Variants in POMGNT1 observed in about 807,000 individuals in gnomAD.
The protein encoded by POMGNT1 is protein O-linked mannose N-acetylglucosaminyltransferase 1 (beta 1,2-).
POMGNT1 carries 67 observed loss-of-function variants against 95.6 expected under a neutral mutation model. That is an observed-to-expected ratio of 0.70 (90% CI 0.58 to 0.86). POMGNT1 has a LOEUF of 0.86. Among genes scored for constraint, POMGNT1 ranks in the 40% least tolerant of loss-of-function variants. The pLI, the probability that POMGNT1 is intolerant of heterozygous loss-of-function variation, is 0.00. For synonymous variants in POMGNT1, 298 were observed against 317.9 expected, an observed-to-expected ratio of 0.94 and a Z score of 0.66; for missense variants, 719 against 855.2, an observed-to-expected ratio of 0.84 and a Z score of 1.99.
Position 46,197,715 on chromosome 1 carries a change from C to G in POMGNT1, c.107G>C (p.Arg36Pro). ...ACATCTCTATACCTGACAGAATCTC[C>G]GCAGGGCCCGCTGGTTTGTCAGTTT... is the stretch of plus-strand genomic sequence containing the variant. ...KYKLTNQRAL[R>P]RFCQTGAVLF... is the part of the protein sequence containing the mutation. The change falls in exon 2 of 22, where the codon CGG (arginine) becomes CCG (proline). Residue 36 changes from arginine to proline, a missense_variant. By Grantham distance (103) the Arg-to-Pro change is moderately radical. Coordinates refer to ENST00000371984, the MANE Select transcript of POMGNT1 (RefSeq NM_017739.4). 6.2e-7 allele frequency: 1 copy of G among 1,614,092 alleles called. No homozygotes were observed.
intron 13 of POMGNT1, 39 bp downstream of exon 13, chr1:46,193,135 C>A (rs778085829): frequency 1.9e-6 from 3 of 1,613,420 alleles, no homozygotes; most frequent in African/African-American, 2.7e-5. Context: ...CCCATGTTTC[C>A]CCCCTCCCAG....
intron 17 of POMGNT1, 116 bp from the exon 18 acceptor site, chr1:46,190,900 C>T (rs1657714826): frequency 2.1e-6 from 2 of 951,758 alleles, no homozygotes; most frequent in African/African-American, 1.6e-5. Flanking sequence ...TGTAAAGAGC[C>T]CTCTAATTTC....
chr1:46,200,451 G>A (rs1252931347), upstream of POMGNT1, among the ~76,000 whole-genome samples: 1 of 152,200 alleles, frequency 6.6e-6, no homozygotes, highest in East Asian at 1.9e-4. Context: ...CCTCCTCAGT[G>A]AACTGCACCA....
chr1:46,209,672 AGCT>A (rs1658832703), intron 1 of POMGNT1, among the ~76,000 whole-genome samples: 1 of 150,576 alleles, frequency 6.6e-6, no homozygotes. Flanking sequence ...GCCACCACAC[AGCT>A]AATTTTTGTA....
intron 1 of POMGNT1, among the ~76,000 whole-genome samples, chr1:46,216,075 G>A (rs1460824485): frequency 8.9e-6 from 1 of 112,132 alleles, no homozygotes; most frequent in Non-Finnish European, 1.7e-5. Flanking sequence ...TTGTGACGGA[G>A]TCTCGCTGTT....
At chr1:46,192,269 T>C (rs752031998) in intron 16 of POMGNT1, 39 bp downstream of exon 16, 5 of 1,614,034 alleles carry the variant, frequency 3.1e-6, no homozygotes, top group Non-Finnish European at 4.2e-6. Context: ...TTCGAGTTGG[T>C]AGGGGACTCC....
At chr1:46,205,408 T>A (rs1658680119) in intron 1 of POMGNT1, among the ~76,000 whole-genome samples, 1 of 152,226 alleles carries the variant, frequency 6.6e-6, no homozygotes, top group African/African-American at 2.4e-5. Context: ...ATCATCTGAC[T>A]GCACTTTGCA....
chr1:46,205,034 G>A (rs2148235766), intron 1 of POMGNT1, among the ~76,000 whole-genome samples: 1 of 152,316 alleles, frequency 6.6e-6, no homozygotes, highest in South Asian at 2.1e-4. Context: ...GAGGCAGGCA[G>A]ATCGCTTGAG....
chr1:46,215,636 T>G (rs1659041139), intron 1 of POMGNT1, among the ~76,000 whole-genome samples: 1 of 152,208 alleles, frequency 6.6e-6, no homozygotes. Flanking sequence ...CCATGGCACA[T>G]GCCTCTAATC....
At position 46,193,905 on chromosome 1, in the gene POMGNT1, G is replaced by A. The variant is rs778664130; in HGVS notation, c.900C>T (p.Leu300=). The change falls in exon 10 of 22, where the codon CTC becomes CTT. Residue 300 remains leucine, a synonymous_variant. Coordinates refer to ENST00000371984, the MANE Select transcript of POMGNT1 (RefSeq NM_017739.4). ...SPDPLPDNKV[L]NVPVAVIAGN... The stretch of plus-strand genomic sequence containing the variant: ...CTGCAATGACAGCCACAGGCACATT[G>A]AGGACCTTGTTGTCTGGGAGCTGTG... 1.5e-5 allele frequency: 25 copies of A among 1,614,046 alleles called. No individual in the cohort carries two copies. In the East Asian group the frequency reaches 2.7e-4, roughly 17 times the overall value.
chr1:46,216,666 G>T (rs569157699), intron 1 of POMGNT1, among the ~76,000 whole-genome samples: 4 of 152,038 alleles, frequency 2.6e-5, no homozygotes, highest in South Asian at 2.1e-4. Context: ...GATTCGGAGG[G>T]GGGTACCTGC....
At chr1:46,190,829 G>A in intron 17 of POMGNT1, 45 bp from the exon 18 acceptor site, 1 of 1,537,498 alleles carries the variant, frequency 6.5e-7, no homozygotes, top group Non-Finnish European at 9.0e-7. Flanking sequence ...ACATTGTCTG[G>A]CCCACACCCA....
rs1025558936 is a variant in POMGNT1 at position 46,194,167 on chromosome 1, GT to G, written c.879+106del. The G allele has an allele frequency of 5.6e-6, 9 of 1,598,826 alleles. No individual in the cohort carries two copies. In the African/African-American group the frequency reaches 1.2e-4, roughly 21 times the overall value. On this transcript the variant is annotated intron_variant, in intron 9 of 21. Transcript: ENST00000371984. ...GAGCGCAGTGTAAATCCTGCCCCTG[GT>G]TCTCTCCCAGGCTCAGGTAGGGAAA...
At position 46,190,008 on chromosome 1, in the gene POMGNT1, G is replaced by C. The variant is rs1657629432; in HGVS notation, c.1650-19C>G. The stretch of plus-strand genomic sequence containing the variant: ...AGCCTCACTGCAGTAGAGGGTGGGA[G>C]AATATAGCCAAGACAGGGCCCACTT... On this transcript the variant is annotated intron_variant, in intron 19 of 21. Transcript: ENST00000371984. 1 of 1,612,410 alleles carries C rather than the reference G, an allele frequency of 6.2e-7. No individual in the cohort carries two copies.
chr1:46,193,749 G>A (rs373114617), intron 10 of POMGNT1, 106 bp downstream of exon 10: 52 of 1,596,944 alleles, frequency 3.3e-5, no homozygotes, highest in African/African-American at 6.7e-5. Context: ...AGGTGAATGC[G>A]TCTAGAATCT....
At chr1:46,198,899 A>G (rs1658446388), upstream of POMGNT1, among the ~76,000 whole-genome samples, 2 of 152,164 alleles carry the variant, frequency 1.3e-5, no homozygotes, top group East Asian at 1.9e-4. Context: ...GATGATGTTT[A>G]ATTCCACAAC....
At position 46,188,816 on chromosome 1, in the gene POMGNT1, C is replaced by T; in HGVS notation, c.*454G>A. 1 of 1,612,876 alleles carries T rather than the reference C, an allele frequency of 6.2e-7. No individual in the cohort carries two copies. The highest frequency in any genetic ancestry group is 8.5e-7 in the Non-Finnish European group (1 of 1,179,876). On this transcript the variant is annotated 3_prime_UTR_variant, in exon 22 of 22. Coordinates refer to ENST00000371984, the MANE Select transcript of POMGNT1 (RefSeq NM_017739.4). Reference sequence around the variant, plus strand: ...GTGAGTCTGTGTCAGCATGTGGGCCCCAGCTGGGCCTGTCCATGGGTTGGG... The same window carrying T: ...GTGAGTCTGTGTCAGCATGTGGGCCTCAGCTGGGCCTGTCCATGGGTTGGG...
exon 1 of POMGNT1, chr1:46,219,948 A>G (rs138211510): frequency 1.9e-6 from 3 of 1,614,146 alleles, no homozygotes; most frequent in African/African-American, 1.3e-5. Context: ...CTTCCTGGAC[A>G]CAGTGGCCCC....
intron 1 of POMGNT1, among the ~76,000 whole-genome samples, chr1:46,214,295 G>A (rs1249122066): frequency 2.0e-5 from 3 of 150,270 alleles, no homozygotes; most frequent in African/African-American, 4.9e-5. Flanking sequence ...GCAGTGAGCC[G>A]AGATCGTGCC....
Sources: allele counts gnomAD v4.1 joint callset (sites outside exome capture counted in the v4.1 genomes callset), GRCh38; gene constraint gnomAD v4.1.1; transcripts MANE v1.5; gene names NCBI Gene and HGNC (gene_info 2026-07-23, HGNC 2026-07-21).